Variants in CACNA1C observed in about 807,000 individuals in gnomAD.
CACNA1C encodes the protein voltage-dependent L-type calcium channel subunit alpha-1C.
Under a neutral mutation model 229.0 loss-of-function variants are expected in CACNA1C, and 30 were observed. The ratio of observed to expected loss-of-function variants is 0.13; its 90% CI spans 0.10 to 0.18. The LOEUF is 0.18. Among genes scored for constraint, CACNA1C ranks in the 10% least tolerant of loss-of-function variants. The pLI, the probability that CACNA1C is intolerant of heterozygous loss-of-function variation, is 1.00. For synonymous variants in CACNA1C, 1,114 were observed against 1,132.5 expected (o/e 0.98, Z 0.33); for missense variants, 1,658 against 2,845.0 (o/e 0.58, Z 9.49).
At chr12:2,056,328 G>A (rs2054855434) in intron 1 of CACNA1C, among the ~76,000 whole-genome samples, 1 of 152,086 alleles carries the variant, frequency 6.6e-6, no homozygotes, top group African/African-American at 2.4e-5. Context: ...GTTTCAGGCT[G>A]GGGTGGCACA....
intron 38 of CACNA1C, among the ~76,000 whole-genome samples, chr12:2,670,531 A>G (rs143662885): frequency 7.4e-4 from 113 of 152,322 alleles, no homozygotes; most frequent in African/African-American, 2.7e-3. Context: ...CCAGTCCACC[A>G]AGACACAAGT....
chr12:2,454,829 A>G (rs2099406928), intron 4 of CACNA1C, among the ~76,000 whole-genome samples: 2 of 152,290 alleles, frequency 1.3e-5, no homozygotes, highest in Non-Finnish European at 2.9e-5. Context: ...TTTTCAGCTG[A>G]TGGCCTCGTT....
chr12:2,593,636 A>G (rs1000940620), intron 19 of CACNA1C, among the ~76,000 whole-genome samples: 2 of 152,256 alleles, frequency 1.3e-5, no homozygotes, highest in Non-Finnish European at 2.9e-5. Context: ...GTTAAACAAT[A>G]TCAAGAACCT....
intron 1 of CACNA1C, among the ~76,000 whole-genome samples, chr12:2,093,656 G>A (rs1223692378): frequency 2.0e-5 from 3 of 152,194 alleles, no homozygotes; most frequent in Middle Eastern, 6.3e-3. Flanking sequence ...TTCCCTCATC[G>A]CGGAGCACTT....
chr12:2,050,125 A>G (rs1269900801), upstream of CACNA1C, among the ~76,000 whole-genome samples: 2 of 152,172 alleles, frequency 1.3e-5, no homozygotes, highest in Non-Finnish European at 2.9e-5. Context: ...CTCTTTGTGA[A>G]TTATCTGCAG....
intron 7 of CACNA1C, among the ~76,000 whole-genome samples, chr12:2,501,124 G>A (rs929588495): frequency 7.0e-6 from 1 of 142,946 alleles, no homozygotes; most frequent in Non-Finnish European, 1.5e-5. Flanking sequence ...CAGGAGAATG[G>A]CATGAACCCA....
intron 3 of CACNA1C, among the ~76,000 whole-genome samples, chr12:2,251,039 C>T (rs1024055311): frequency 6.6e-5 from 10 of 152,164 alleles, no homozygotes; most frequent in East Asian, 3.8e-4. Context: ...TGGCTCAGCC[C>T]GTCTGCAGAA....
At chr12:2,387,920 C>T (rs764553856) in intron 3 of CACNA1C, among the ~76,000 whole-genome samples, 2 of 152,182 alleles carry the variant, frequency 1.3e-5, no homozygotes, top group South Asian at 2.1e-4. Flanking sequence ...AGGGAGCCCC[C>T]TTACCAGATC....
At chr12:2,147,196 TG>T (rs1306731196) in intron 3 of CACNA1C, among the ~76,000 whole-genome samples, 1 of 151,350 alleles carries the variant, frequency 6.6e-6, no homozygotes, top group Non-Finnish European at 1.5e-5. Flanking sequence ...GTGAGTTGCT[TG>T]TTTAATGTTT....
chr12:2,160,446 G>C (rs1159708839), intron 3 of CACNA1C, among the ~76,000 whole-genome samples: 1 of 152,128 alleles, frequency 6.6e-6, no homozygotes, highest in Non-Finnish European at 1.5e-5. Context: ...GGCAAAAAGG[G>C]GCCACCACAG....
intron 1 of CACNA1C, among the ~76,000 whole-genome samples, chr12:2,027,440 T>C (rs1223297284): frequency 6.6e-6 from 1 of 152,236 alleles, no homozygotes; most frequent in African/African-American, 2.4e-5. Context: ...CCGCAGCTCC[T>C]AGATACTGAA....
chr12:2,374,421 G>A (rs2097968656), intron 3 of CACNA1C, among the ~76,000 whole-genome samples: 1 of 152,184 alleles, frequency 6.6e-6, no homozygotes, highest in Non-Finnish European at 1.5e-5. Context: ...TGGGGACTGG[G>A]TGTTATTGTT....
rs188258069 is a variant in CACNA1C, at chr12:1,977,023, C to A, written c.139+5822C>A. Among the ~76,000 whole-genome samples, 6 of 152,250 alleles carry A rather than the reference C, an allele frequency of 3.9e-5. No homozygotes were observed. The East Asian group carries it at 1.2e-3, about 29-fold the overall frequency. On this transcript the variant is annotated intron_variant, in intron 1 of 46. Coordinates refer to the CACNA1C transcript ENST00000682462. The stretch of plus-strand genomic sequence containing the variant: ...ATAAATATCCTAGAATGGAAAACAA[C>A]CCTCAGTTATCTCTGGGCAGATAAT...
At chr12:2,371,885 A>T (rs2097878390) in intron 3 of CACNA1C, among the ~76,000 whole-genome samples, 1 of 152,162 alleles carries the variant, frequency 6.6e-6, no homozygotes, top group Admixed American at 6.5e-5. Flanking sequence ...GAGTATTAAA[A>T]GCCTCTAAGG....
intron 11 of CACNA1C, among the ~76,000 whole-genome samples, chr12:2,558,676 G>A (rs1039986814): frequency 1.2e-4 from 19 of 152,164 alleles, no homozygotes; most frequent in Non-Finnish European, 2.4e-4. Context: ...GGGCTTCCCC[G>A]TGGCCATCTG....
intron 29 of CACNA1C, 33 bp from the exon 30 acceptor site, chr12:2,634,264 T>C: frequency 8.8e-7 from 1 of 1,139,082 alleles, no homozygotes; most frequent in Non-Finnish European, 1.2e-6. Flanking sequence ...TGGTTCTTCT[T>C]CTCTCTCTCC....
chr12:2,151,916 G>A (rs1368552045), intron 3 of CACNA1C, among the ~76,000 whole-genome samples: 1 of 152,196 alleles, frequency 6.6e-6, no homozygotes, highest in Non-Finnish European at 1.5e-5. Context: ...GCTGCCCCAG[G>A]GACAGAGTAT....
chr12:2,179,027 A>T (rs1238659949), intron 3 of CACNA1C, among the ~76,000 whole-genome samples: 1 of 152,152 alleles, frequency 6.6e-6, no homozygotes, highest in African/African-American at 2.4e-5. Context: ...GCACCACTGC[A>T]CTGCAGCCTG....
intron 18 of CACNA1C, among the ~76,000 whole-genome samples, chr12:2,588,563 T>C (rs749893013): frequency 6.6e-6 from 1 of 152,154 alleles, no homozygotes; most frequent in Non-Finnish European, 1.5e-5. Context: ...CAGCTTCAAT[T>C]ACCCTCGCAT....
Sources: allele counts gnomAD v4.1 joint callset (sites outside exome capture counted in the v4.1 genomes callset), GRCh38; gene constraint gnomAD v4.1.1; transcripts MANE v1.5; gene names NCBI Gene and HGNC (gene_info 2026-07-23, HGNC 2026-07-21).